Variants in MTERF4 observed in about 807,000 individuals in gnomAD.
MTERF4 encodes the protein mitochondrial transcription termination factor 4, also known as transcription termination factor 4, mitochondrial.
MTERF4 carries 17 observed loss-of-function variants against 22.5 expected under a neutral mutation model. That is an observed-to-expected ratio of 0.75 (90% CI 0.52 to 1.13). The LOEUF (loss-of-function observed/expected upper bound fraction) is 1.13, where lower values mean the gene tolerates loss of function less well. Ranked by LOEUF, MTERF4 falls within the 50% of genes most tolerant of loss-of-function variation. The probability of loss-of-function intolerance (pLI) is 0.00; values close to 1 mark genes in which losing one functional copy is unlikely to be tolerated. For missense variants in MTERF4, 420 were observed against 466.8 expected (o/e 0.90, Z 0.92); for synonymous variants, 165 against 175.3 (o/e 0.94, Z 0.47).
At chr2:241,093,648 T>G (rs2064192459), downstream of MTERF4, 1 of 152,206 alleles carries the variant, frequency 6.6e-6, no homozygotes, top group African/African-American at 2.4e-5. Flanking sequence ...CAACAAGAAC[T>G]GGCTCCTGAG....
chr2:241,061,600 A>T, the MTERF4 span, among the ~76,000 whole-genome samples: 1 of 152,282 alleles, frequency 6.6e-6, no homozygotes, highest in African/African-American at 2.4e-5. Flanking sequence ...TAAAAGCAAA[A>T]AGTCTAGGCT....
chr2:241,093,995 A>T (rs2064218320), downstream of MTERF4: 1 of 227,724 alleles, frequency 4.4e-6, no homozygotes, highest in African/African-American at 2.3e-5. Flanking sequence ...CAGACTGAGG[A>T]TTCTACTTAG....
chr2:241,063,866 G>T, the MTERF4 span: 1 of 735,962 alleles, frequency 1.4e-6, no homozygotes, highest in East Asian at 2.7e-5. Context: ...GGGTGCTGGG[G>T]AGGGCTGAGG....
At chr2:241,055,450 T>C in the MTERF4 span, among the ~76,000 whole-genome samples, 1 of 152,190 alleles carries the variant, frequency 6.6e-6, no homozygotes, top group Admixed American at 6.5e-5. Context: ...ATATCAGATA[T>C]AAGACAGTGA....
downstream of MTERF4, chr2:241,071,581 A>G: frequency 6.3e-7 from 1 of 1,586,266 alleles, no homozygotes; most frequent in South Asian, 1.1e-5. Flanking sequence ...TGCAGCCCCC[A>G]GGGATGGCGC....
intron 1 of MTERF4, chr2:241,101,234 G>C (rs1222402193): frequency 2.2e-6 from 1 of 463,652 alleles, no homozygotes; most frequent in East Asian, 7.1e-5. Flanking sequence ...GGGGTTGATG[G>C]GAAACAGTGA....
At chr2:241,058,898 C>T in the MTERF4 span, among the ~76,000 whole-genome samples, 1 of 151,172 alleles carries the variant, frequency 6.6e-6, no homozygotes, top group African/African-American at 2.4e-5. Context: ...TGCAGTGAGC[C>T]AAGATCGCAC....
At chr2:241,079,411 C>CA (rs757361914) in intron 4 of MTERF4, among the ~76,000 whole-genome samples, 3,461 of 74,304 alleles carry the variant, frequency 0.047, 135 homozygotes, top group African/African-American at 0.14. Context: ...GACTCCATCT[C>CA]AAAAAAAAAA....
chr2:241,056,517 C>G, the MTERF4 span, among the ~76,000 whole-genome samples: 2 of 150,576 alleles, frequency 1.3e-5, no homozygotes, highest in African/African-American at 2.4e-5. Context: ...ACAAAATTAT[C>G]TAAACTGCAG....
At chr2:241,089,915 G>A (rs112958558), downstream of MTERF4, 22 of 1,532,262 alleles carry the variant, frequency 1.4e-5, no homozygotes, top group African/African-American at 1.7e-4. Flanking sequence ...AGTGCCAAGT[G>A]TGTGTGTATC....
chr2:241,052,635 C>CGGGGGG, the MTERF4 span, among the ~76,000 whole-genome samples: 1 of 88,460 alleles, frequency 1.1e-5, no homozygotes, highest in Admixed American at 1.5e-4. Context: ...GTGAGAGGGC[C>CGGGGGG]GGGGGGCCAA....
the MTERF4 span, chr2:241,049,130 G>A: frequency 6.2e-7 from 1 of 1,611,240 alleles, no homozygotes; most frequent in Non-Finnish European, 8.5e-7. Context: ...CACAATGCCA[G>A]CCACTGTGAG....
At chr2:241,089,153 A>G (rs981627929), downstream of MTERF4, 1 of 714,952 alleles carries the variant, frequency 1.4e-6, no homozygotes, top group Non-Finnish European at 2.3e-6. Flanking sequence ...TACCATAGAA[A>G]GCCATCTACA....
the MTERF4 span, among the ~76,000 whole-genome samples, chr2:241,044,146 A>G: frequency 6.6e-6 from 1 of 152,240 alleles, no homozygotes; most frequent in South Asian, 2.1e-4. Flanking sequence ...GAGGAAAAAA[A>G]GAAAGAAGTG....
chr2:241,052,888 C>G, the MTERF4 span, among the ~76,000 whole-genome samples: 5 of 138,878 alleles, frequency 3.6e-5, no homozygotes, highest in Admixed American at 7.4e-5. Flanking sequence ...ATACCAGTGG[C>G]AGGCAGGTGA....
At chr2:241,066,122 C>T in the MTERF4 span, among the ~76,000 whole-genome samples, 4 of 152,156 alleles carry the variant, frequency 2.6e-5, no homozygotes, top group Non-Finnish European at 5.9e-5. Flanking sequence ...CCAGAGCCTC[C>T]ACCTGGAGCT....
the MTERF4 span, among the ~76,000 whole-genome samples, chr2:241,058,515 T>G: frequency 1.3e-5 from 2 of 152,216 alleles, no homozygotes; most frequent in Non-Finnish European, 2.9e-5. Flanking sequence ...AAAAGCCTAA[T>G]GTAACATGTT....
At chr2:241,052,109 T>C in the MTERF4 span, 1 of 1,613,748 alleles carries the variant, frequency 6.2e-7, no homozygotes, top group Non-Finnish European at 8.5e-7. Flanking sequence ...CATTGGCAAA[T>C]ACAAGTGTGA....
the MTERF4 span, chr2:241,062,692 T>C: frequency 1.5e-5 from 12 of 791,946 alleles, no homozygotes; most frequent in East Asian, 2.9e-4. Context: ...TGATGATGTA[T>C]CATCGAATTC....
Sources: gnomAD v4.1 joint callset for allele counts (sites outside exome capture counted in the v4.1 genomes callset) on GRCh38, gnomAD v4.1.1 for gene constraint, MANE v1.5 for transcripts, NCBI Gene and HGNC (gene_info 2026-07-23, HGNC 2026-07-21) for gene names.